The following ZBTB20 variants were observed in gnomAD, a reference collection of about 807,000 sequenced individuals.
ZBTB20 encodes zinc finger and BTB domain containing 20.
ZBTB20 carries 9 observed loss-of-function variants against 56.9 expected under a neutral mutation model. The observed-to-expected ratio is 0.16, with a 90% CI of 0.10 to 0.28. ZBTB20 has a LOEUF of 0.28. Among genes scored for constraint, ZBTB20 ranks in the 10% least tolerant of loss-of-function variants. The pLI is 1.00. For missense variants in ZBTB20, 655 were observed against 1,003.0 expected (o/e 0.65, Z 4.69); for synonymous variants, 417 against 420.7 (o/e 0.99, Z 0.11).
rs370155716 is a variant in ZBTB20, at chr3:114,963,007, C to T, written c.-456+11359G>A. Among the ~76,000 whole-genome samples the T allele has an allele frequency of 1.2e-3, 189 of 151,888 alleles. 7 individuals carry two copies. The South Asian group carries it at 0.038, about 31-fold the overall frequency. ...GTTTTTTTGTAGTAATTAGCCAGAG[C>T]TCCATTTTGCTGAAGCTGGCATCAC... On this transcript the variant is annotated intron_variant, in intron 3 of 11. Transcript: ENST00000675478.
At chr3:114,755,188 G>A in intron 5 of ZBTB20, among the ~76,000 whole-genome samples, 1 of 152,050 alleles carries the variant, frequency 6.6e-6, no homozygotes, top group East Asian at 1.9e-4. Context: ...AGGCTACAAG[G>A]TAATATAATA....
intron 5 of ZBTB20, among the ~76,000 whole-genome samples, chr3:114,731,325 G>A (rs547399972): frequency 3.3e-4 from 50 of 152,144 alleles, no homozygotes; most frequent in Admixed American, 2.2e-3. Flanking sequence ...TCTCTGCTAC[G>A]TCATTCATGA....
chr3:115,103,326 A>G (rs2083635339), intron 1 of ZBTB20, among the ~76,000 whole-genome samples: 1 of 152,224 alleles, frequency 6.6e-6, no homozygotes, highest in South Asian at 2.1e-4. Flanking sequence ...CCAGAAAGTT[A>G]TTTTGTGGAT....
intron 6 of ZBTB20, among the ~76,000 whole-genome samples, chr3:114,649,003 T>C (rs1031445640): frequency 1.3e-5 from 2 of 152,036 alleles, no homozygotes; most frequent in African/African-American, 4.8e-5. Flanking sequence ...CTCGTTGTAT[T>C]TGAAGTAGCT....
In ZBTB20 at chr3:114,351,706, G is replaced by A. The variant is rs554447265; in HGVS notation, c.372C>T (p.Ala124=). The A allele has an allele frequency of 9.3e-6, 15 of 1,614,054 alleles. No individual in the cohort carries two copies. In the Admixed American group the frequency reaches 2.0e-4, roughly 22 times the overall value. The change falls in exon 11 of 12, where the codon GCC becomes GCT. Residue 124 remains alanine, a synonymous_variant. Transcript: ENST00000675478. ...MLRAHRCVLA[A]GSPFFQDKLL... is the part of the protein sequence containing the mutation. ...GTTTGTCCTGGAAGAAGGGGCTGCC[G>A]GCTGCCAGCACGCAGCGGTGTGCGC...
intron 2 of ZBTB20, among the ~76,000 whole-genome samples, chr3:115,011,521 G>GA (rs764084888): frequency 5.9e-4 from 89 of 151,806 alleles, no homozygotes; most frequent in South Asian, 1.2e-3. Flanking sequence ...AGTACTGAAG[G>GA]AAAAAATCTT....
chr3:114,787,333 A>G (rs113606798), intron 5 of ZBTB20, among the ~76,000 whole-genome samples: 1 of 1,920 alleles, frequency 5.2e-4, no homozygotes, highest in Non-Finnish European at 7.1e-3. Flanking sequence ...TTAAAAGGTT[A>G]TATATATATA....
chr3:115,135,247 C>A (rs1576830101), intron 1 of ZBTB20, among the ~76,000 whole-genome samples: 1 of 152,160 alleles, frequency 6.6e-6, no homozygotes, highest in African/African-American at 2.4e-5. Context: ...GAAAGCCAGG[C>A]AGCTTGGAAT....
chr3:115,130,953 G>T (rs2084487938), intron 1 of ZBTB20, among the ~76,000 whole-genome samples: 2 of 152,022 alleles, frequency 1.3e-5, no homozygotes, highest in African/African-American at 2.4e-5. Context: ...TAGAGACAGG[G>T]TTTCTCCATG....
chr3:114,425,695 C>T (rs1414314821), intron 7 of ZBTB20, among the ~76,000 whole-genome samples: 2 of 152,188 alleles, frequency 1.3e-5, no homozygotes, highest in Non-Finnish European at 2.9e-5. Flanking sequence ...CATCTTTTCT[C>T]ATAATCTACC....
At chr3:114,752,795 A>T (rs1427107599) in intron 5 of ZBTB20, among the ~76,000 whole-genome samples, 1 of 152,038 alleles carries the variant, frequency 6.6e-6, no homozygotes, top group Non-Finnish European at 1.5e-5. Flanking sequence ...GCCACATACT[A>T]TTGTTAATTA....
At chr3:114,580,742 A>T (rs551139924) in intron 6 of ZBTB20, among the ~76,000 whole-genome samples, 1 of 152,024 alleles carries the variant, frequency 6.6e-6, no homozygotes, top group East Asian at 1.9e-4. Flanking sequence ...GAACAATTTT[A>T]CAAAATAGGT....
At chr3:114,368,480 C>T (rs1439997741) in intron 10 of ZBTB20, among the ~76,000 whole-genome samples, 1 of 152,174 alleles carries the variant, frequency 6.6e-6, no homozygotes, top group Non-Finnish European at 1.5e-5. Flanking sequence ...ACAGGGACCT[C>T]TCCTCATTGC....
intron 3 of ZBTB20, among the ~76,000 whole-genome samples, chr3:114,910,743 T>C (rs984496437): frequency 1.3e-5 from 2 of 152,042 alleles, no homozygotes; most frequent in African/African-American, 4.8e-5. Flanking sequence ...AATTAATAAG[T>C]AGCAGCAGTT....
At chr3:115,128,045 T>A (rs2108660040) in intron 1 of ZBTB20, among the ~76,000 whole-genome samples, 1 of 152,146 alleles carries the variant, frequency 6.6e-6, no homozygotes, top group South Asian at 2.1e-4. Flanking sequence ...GAAATTTTCT[T>A]GAATAGAGAA....
intron 4 of ZBTB20, among the ~76,000 whole-genome samples, chr3:114,828,725 G>C (rs1159639001): frequency 6.6e-6 from 1 of 151,858 alleles, no homozygotes; most frequent in Admixed American, 6.6e-5. Flanking sequence ...AAACTCAATA[G>C]TTTTAGCATC....
At chr3:114,740,665 T>C (rs1037429202) in intron 5 of ZBTB20, among the ~76,000 whole-genome samples, 1 of 152,178 alleles carries the variant, frequency 6.6e-6, no homozygotes, top group African/African-American at 2.4e-5. Context: ...GAACAAAAAA[T>C]GTCATTATTC....
intron 2 of ZBTB20, among the ~76,000 whole-genome samples, chr3:114,976,963 A>G (rs1576470504): frequency 6.6e-6 from 1 of 152,178 alleles, no homozygotes; most frequent in East Asian, 1.9e-4. Flanking sequence ...ACCTGAATCA[A>G]TCAAACTCTG....
At chr3:115,043,100 T>C (rs933951426) in intron 2 of ZBTB20, among the ~76,000 whole-genome samples, 2 of 152,236 alleles carry the variant, frequency 1.3e-5, no homozygotes, top group Admixed American at 6.5e-5. Context: ...GTCCTTTTCC[T>C]AGCCTTAGCT....
Sources: gnomAD v4.1 joint callset for allele counts (sites outside exome capture counted in the v4.1 genomes callset) on GRCh38, gnomAD v4.1.1 for gene constraint, MANE v1.5 for transcripts, NCBI Gene and HGNC (gene_info 2026-07-23, HGNC 2026-07-21) for gene names.